The following COX10 variants were observed in gnomAD, a reference collection of about 807,000 sequenced individuals.
COX10 encodes cytochrome c oxidase assembly factor heme A:farnesyltransferase COX10, also known as protoheme IX farnesyltransferase, mitochondrial.
In COX10, 27 loss-of-function variants were observed where a neutral mutation model predicts 37.3. That is an observed-to-expected ratio of 0.72 (90% CI 0.53 to 1.00). The LOEUF is 1.00. Among genes scored for constraint, COX10 ranks in the 50% least tolerant of loss-of-function variants. The pLI is 0.00. For synonymous variants in COX10, 222 were observed against 229.1 expected, an observed-to-expected ratio of 0.97 and a Z score of 0.28; for missense variants, 475 against 563.2, an observed-to-expected ratio of 0.84 and a Z score of 1.59.
chr17:14,095,134 G>A (rs1915615810), intron 3 of COX10, among the ~76,000 whole-genome samples: 1 of 152,190 alleles, frequency 6.6e-6, no homozygotes, highest in Non-Finnish European at 1.5e-5. Context: ...GTAGCAGAAG[G>A]GGTTGCCCAA....
chr17:14,110,582 A>G (rs1157413010), intron 4 of COX10, among the ~76,000 whole-genome samples: 1 of 152,058 alleles, frequency 6.6e-6, no homozygotes. Flanking sequence ...CCCACCTAGC[A>G]GAGGTCAAAG....
chr17:14,171,558 C>T lies in COX10; in HGVS notation c.695+11611C>T, dbSNP rs1905468883. Among the ~76,000 whole-genome samples, 5 of 151,694 alleles carry T rather than the reference C, an allele frequency of 3.3e-5. No individual in the cohort carries two copies. The South Asian group carries it at 1.0e-3, about 31-fold the overall frequency. ...AGTATCTACCTCAAACTGAGGAGACCAAGGATTACTTCTCAGGGAATGCGT... is the reference window on the plus strand; with the variant it reads ...AGTATCTACCTCAAACTGAGGAGACTAAGGATTACTTCTCAGGGAATGCGT... On this transcript the variant is annotated intron_variant, in intron 5 of 6. Transcript: ENST00000261643.
At chr17:14,191,370 A>C (rs990892178) in intron 5 of COX10, among the ~76,000 whole-genome samples, 4 of 150,500 alleles carry the variant, frequency 2.7e-5, no homozygotes, top group Non-Finnish European at 5.9e-5. Flanking sequence ...CCCGGTGTTT[A>C]CTGTTGTCAG....
At chr17:14,182,020 G>A in intron 5 of COX10, 9 of 979,474 alleles carry the variant, frequency 9.2e-6, no homozygotes, top group Non-Finnish European at 1.1e-5. Flanking sequence ...TTTTTTTACA[G>A]GCAATCTTTC....
chr17:14,143,862 T>C (rs564748427), intron 4 of COX10, among the ~76,000 whole-genome samples: 232 of 152,172 alleles, frequency 1.5e-3, no homozygotes, highest in Non-Finnish European at 3.0e-3. Flanking sequence ...TTGTATAGAG[T>C]CTTGCTTTTG....
chr17:14,071,583 T>C (rs976818772), intron 1 of COX10, among the ~76,000 whole-genome samples: 1 of 151,996 alleles, frequency 6.6e-6, no homozygotes, highest in Admixed American at 6.6e-5. Flanking sequence ...TTTACAGCCA[T>C]TTAAAAACTG....
chr17:14,107,670 TACAC>T (rs57092278), intron 4 of COX10, among the ~76,000 whole-genome samples: 161 of 149,660 alleles, frequency 1.1e-3, no homozygotes, highest in Admixed American at 3.1e-3. Context: ...TGTACTGTTT[TACAC>T]ACACACACAC....
At chr17:14,199,570 A>AAGGAG (rs1906466267) in intron 6 of COX10, among the ~76,000 whole-genome samples, 1 of 152,178 alleles carries the variant, frequency 6.6e-6, no homozygotes, top group South Asian at 2.1e-4. Context: ...CAATGAGGTG[A>AAGGAG]AGGAGAGGAG....
chr17:14,207,036 C>T lies in COX10; in HGVS notation c.1155C>T (p.Ala385=). The T allele has an allele frequency of 1.2e-6, 2 of 1,614,092 alleles. No individual in the cohort carries two copies. Among genetic ancestry groups the T allele is most frequent in the Non-Finnish European group, 1.7e-6 (2 of 1,179,934 alleles). ...DITTWTFPIM[A]LPINAYISYL... ...CCACATGGACCTTCCCCATCATGGC[C>T]CTTCCCATCAATGCGTACATCTCCT... is the stretch of plus-strand genomic sequence containing the variant. The change falls in exon 7 of 7, where the codon GCC becomes GCT. Residue 385 remains alanine (A), a synonymous_variant. Coordinates refer to ENST00000261643, the MANE Select transcript of COX10 (RefSeq NM_001303.4).
chr17:14,076,587 A>G, intron 2 of COX10, 148 bp from the exon 3 acceptor site: 1 of 771,564 alleles, frequency 1.3e-6, no homozygotes, highest in Admixed American at 2.1e-5. Flanking sequence ...ATAGCACTCT[A>G]TAAATACATG....
At chr17:14,137,486 CCAGT>C (rs1904409808) in intron 4 of COX10, among the ~76,000 whole-genome samples, 1 of 151,490 alleles carries the variant, frequency 6.6e-6, no homozygotes, top group Admixed American at 6.6e-5. Context: ...ACTTTTTAAC[CCAGT>C]CATTCTTTTT....
chr17:14,154,434 T>A (rs934156032), intron 4 of COX10, among the ~76,000 whole-genome samples: 3 of 152,216 alleles, frequency 2.0e-5, no homozygotes, highest in African/African-American at 7.2e-5. Flanking sequence ...AATTATGTAA[T>A]TCTTGATGAG....
intron 4 of COX10, among the ~76,000 whole-genome samples, chr17:14,106,802 G>A (rs1386665763): frequency 6.6e-6 from 1 of 152,096 alleles, no homozygotes; most frequent in Non-Finnish European, 1.5e-5. Flanking sequence ...GTTTGCTGGT[G>A]AGTTTGCCTG....
chr17:14,189,470 C>G (rs757545651), intron 5 of COX10, among the ~76,000 whole-genome samples: 29 of 152,208 alleles, frequency 1.9e-4, no homozygotes, highest in Non-Finnish European at 3.8e-4. Flanking sequence ...TCTTGTAAAG[C>G]ATCAATGATT....
At chr17:14,112,948 A>G (rs966342389) in intron 4 of COX10, among the ~76,000 whole-genome samples, 1 of 152,064 alleles carries the variant, frequency 6.6e-6, no homozygotes, top group African/African-American at 2.4e-5. Context: ...AACCAGACTT[A>G]CCCTGTAGGT....
chr17:14,173,778 G>A (rs1401629587), intron 5 of COX10, among the ~76,000 whole-genome samples: 1 of 152,058 alleles, frequency 6.6e-6, no homozygotes, highest in Non-Finnish European at 1.5e-5. Context: ...TTTTCACAAT[G>A]TCATTGTTTA....
At chr17:14,073,989 T>C (rs1915087869) in intron 1 of COX10, among the ~76,000 whole-genome samples, 2 of 152,220 alleles carry the variant, frequency 1.3e-5, no homozygotes, top group African/African-American at 2.4e-5. Context: ...CTTTTTATTT[T>C]CTACTTTTGA....
chr17:14,075,388 G>T (rs191071785), intron 2 of COX10, among the ~76,000 whole-genome samples: 75 of 152,184 alleles, frequency 4.9e-4, no homozygotes, highest in Admixed American at 1.6e-3. Context: ...TGATGGAAAA[G>T]GCACTTAACT....
chr17:14,088,622 A>G (rs866167466), intron 3 of COX10, among the ~76,000 whole-genome samples: 2 of 152,200 alleles, frequency 1.3e-5, no homozygotes, highest in Admixed American at 1.3e-4. Flanking sequence ...CTCAAAATAT[A>G]TTGAGAACTT....
Sources: allele counts gnomAD v4.1 joint callset (sites outside exome capture counted in the v4.1 genomes callset), GRCh38; gene constraint gnomAD v4.1.1; transcripts MANE v1.5; gene names NCBI Gene and HGNC (gene_info 2026-07-23, HGNC 2026-07-21).